MANBA: variants seen among roughly 807,000 people sequenced by gnomAD.
The protein encoded by MANBA is beta-mannosidase.
MANBA carries 83 observed loss-of-function variants against 111.1 expected under a neutral mutation model. That is an observed-to-expected ratio of 0.75 (90% CI 0.63 to 0.90). The LOEUF (loss-of-function observed/expected upper bound fraction) is 0.90, where lower values mean the gene tolerates loss of function less well. MANBA is among the 40% of genes least tolerant of loss of function. MANBA has a pLI of 0.00. For synonymous variants in MANBA, 370 were observed against 378.7 expected (o/e 0.98, Z 0.27); for missense variants, 1,036 against 1,069.0 (o/e 0.97, Z 0.43).
intron 8 of MANBA, chr4:102,671,897 A>C (rs1241630740): frequency 4.8e-6 from 2 of 420,746 alleles, no homozygotes; most frequent in Admixed American, 4.0e-5. Flanking sequence ...ACTTACAGGC[A>C]GCTTGAGAGC....
At chr4:102,681,468 A>G (rs1021709248) in intron 7 of MANBA, 9 of 152,344 alleles carry the variant, frequency 5.9e-5, no homozygotes, top group South Asian at 4.1e-4. Flanking sequence ...AAAAAAATAA[A>G]TTTCAATTCT....
At chr4:102,759,183 T>C (rs1407209213) in intron 1 of MANBA, among the ~76,000 whole-genome samples, 1 of 151,042 alleles carries the variant, frequency 6.6e-6, no homozygotes, top group African/African-American at 2.4e-5. Flanking sequence ...TTGGCCATGC[T>C]GGTCTTGAAC....
chr4:102,644,228 G>A (rs1300532799), intron 13 of MANBA, among the ~76,000 whole-genome samples: 3 of 152,086 alleles, frequency 2.0e-5, no homozygotes, highest in African/African-American at 7.2e-5. Flanking sequence ...ACAGTATGGA[G>A]GCTTCCCAAA....
intron 4 of MANBA, among the ~76,000 whole-genome samples, chr4:102,718,516 G>A (rs1722434259): frequency 1.3e-5 from 2 of 152,144 alleles, no homozygotes; most frequent in East Asian, 1.9e-4. Flanking sequence ...TACAAGGAAC[G>A]GCCAGAGATG....
chr4:102,680,531 C>T (rs1043381480), intron 7 of MANBA, among the ~76,000 whole-genome samples: 4 of 151,814 alleles, frequency 2.6e-5, no homozygotes, highest in African/African-American at 9.7e-5. Flanking sequence ...TGCAGCTTTT[C>T]CCATCAATGA....
chr4:102,632,210 C>A lies in MANBA; in HGVS notation c.2487G>T (p.Trp829Cys), dbSNP rs1184502451. 6.2e-7 allele frequency: 1 copy of A among 1,613,472 alleles called. No individual in the cohort carries two copies. The highest frequency in any genetic ancestry group is 8.5e-7 in the Non-Finnish European group (1 of 1,179,678). ...LETSAVAPFVWLDVGSIPGRF... is the reference protein window; with the variant it reads ...LETSAVAPFVCLDVGSIPGRF... ...TCCCTGGGATGCTTCCTACATCCAA[C>A]CAAACAAAGGGAGCGACAGCTGAGG... The change falls in exon 17 of 17, where the codon TGG becomes TGT. Residue 829 changes from tryptophan to cysteine, a missense_variant. Physicochemically the swap from Trp to Cys is radical, Grantham distance 215. Transcript: ENST00000647097.
chr4:102,733,443 T>C (rs1271580758), intron 1 of MANBA, among the ~76,000 whole-genome samples: 1 of 150,648 alleles, frequency 6.6e-6, no homozygotes, highest in Non-Finnish European at 1.5e-5. Context: ...AGCCTCAACC[T>C]CCGGGGCTCA....
intron 1 of MANBA, among the ~76,000 whole-genome samples, chr4:102,743,487 C>T (rs1416922786): frequency 6.6e-6 from 1 of 152,146 alleles, no homozygotes; most frequent in Non-Finnish European, 1.5e-5. Flanking sequence ...CATCTATAAA[C>T]CAGGCCCTAG....
chr4:102,641,023 T>C (rs1729857126), intron 13 of MANBA, among the ~76,000 whole-genome samples: 1 of 152,182 alleles, frequency 6.6e-6, no homozygotes, highest in African/African-American at 2.4e-5. Context: ...TAGAAGACAG[T>C]CCTTCATCAA....
chr4:102,712,621 C>T (rs974100311), intron 5 of MANBA, among the ~76,000 whole-genome samples: 3 of 151,600 alleles, frequency 2.0e-5, no homozygotes, highest in Admixed American at 6.6e-5. Context: ...TGAGCTCAAG[C>T]GATCCTGCCA....
At chr4:102,654,727 A>G (rs982098557) in intron 12 of MANBA, among the ~76,000 whole-genome samples, 3 of 152,224 alleles carry the variant, frequency 2.0e-5, no homozygotes, top group Non-Finnish European at 4.4e-5. Context: ...CCTATTGTCA[A>G]TATAACACTA....
intron 5 of MANBA, among the ~76,000 whole-genome samples, chr4:102,693,702 C>T (rs1303025574): frequency 6.6e-6 from 1 of 152,126 alleles, no homozygotes. Context: ...CTTTGCAATA[C>T]AACAGTAGAG....
At chr4:102,722,514 G>A in intron 4 of MANBA, 1 of 291,920 alleles carries the variant, frequency 3.4e-6, no homozygotes, top group South Asian at 3.4e-5. Flanking sequence ...TTTGCAGAGG[G>A]CTTCCTAGAA....
intron 11 of MANBA, 56 bp from the exon 12 acceptor site, chr4:102,657,956 T>C: frequency 8.0e-7 from 1 of 1,255,196 alleles, no homozygotes; most frequent in Admixed American, 1.7e-5. Flanking sequence ...GTAAAGTATG[T>C]ATCATTTACT....
intron 1 of MANBA, chr4:102,730,780 G>A: frequency 2.2e-6 from 1 of 449,602 alleles, no homozygotes; most frequent in Non-Finnish European, 4.4e-6. Flanking sequence ...TTCTCTTATA[G>A]GGTTTAGCTT....
At chr4:102,754,342 T>C (rs1317618553) in intron 1 of MANBA, among the ~76,000 whole-genome samples, 1 of 152,062 alleles carries the variant, frequency 6.6e-6, no homozygotes, top group Non-Finnish European at 1.5e-5. Context: ...AGATGTACAG[T>C]AAAATTTAGT....
At chr4:102,755,542 A>G (rs1723977622) in intron 1 of MANBA, among the ~76,000 whole-genome samples, 3 of 152,218 alleles carry the variant, frequency 2.0e-5, no homozygotes, top group Admixed American at 2.0e-4. Context: ...AGGCAATACC[A>G]TTCAGGACAT....
At chr4:102,700,707 C>T (rs1172974903) in intron 5 of MANBA, among the ~76,000 whole-genome samples, 7 of 152,178 alleles carry the variant, frequency 4.6e-5, no homozygotes, top group African/African-American at 7.2e-5. Flanking sequence ...AGTTTGATTG[C>T]GCTGTGGTCT....
chr4:102,714,559 C>T lies in MANBA; in HGVS notation c.552G>A (p.Glu184=), dbSNP rs1393310114. 6.8e-6 allele frequency: 11 copies of T among 1,607,784 alleles called. No homozygotes were observed. The highest frequency in any genetic ancestry group is 1.1e-5 in the South Asian group (1 of 90,926). Reference sequence around the variant, plus strand: ...CCCAGTCCCAACTAAAGGAACATTGCTCCTGCAATTTCAAGGAGAAAAAGA... The same window carrying T: ...CCCAGTCCCAACTAAAGGAACATTGTTCCTGCAATTTCAAGGAGAAAAAGA... ...GECHVNFVRK[E]QCSFSWDWGP... is the part of the protein sequence containing the mutation. The change falls in exon 5 of 17, where the codon GAG becomes GAA. Residue 184 remains glutamate, a splice_region_variant and synonymous_variant. Transcript: ENST00000647097.
Sources: gnomAD v4.1 joint callset for allele counts (sites outside exome capture counted in the v4.1 genomes callset) on GRCh38, gnomAD v4.1.1 for gene constraint, MANE v1.5 for transcripts, NCBI Gene and HGNC (gene_info 2026-07-23, HGNC 2026-07-21) for gene names.